The following GRID1 variants were observed in gnomAD, a reference collection of about 807,000 sequenced individuals.
GRID1 encodes glutamate receptor ionotropic, delta-1.
In GRID1, 28 loss-of-function variants were observed where a neutral mutation model predicts 98.0. That is an observed-to-expected ratio of 0.29 (90% CI 0.21 to 0.39). The LOEUF is 0.39. GRID1 is among the 10% of genes least tolerant of loss of function. The pLI, the probability that GRID1 is intolerant of heterozygous loss-of-function variation, is 1.00. For missense variants in GRID1, 1,111 were observed against 1,340.5 expected, an observed-to-expected ratio of 0.83 and a Z score of 2.67; for synonymous variants, 553 against 538.5, an observed-to-expected ratio of 1.03 and a Z score of -0.37.
intron 2 of GRID1, among the ~76,000 whole-genome samples, chr10:86,218,296 CTGTCTG>C (rs1206456366): frequency 2.0e-5 from 3 of 152,174 alleles, no homozygotes. Flanking sequence ...TCCAAAGCTC[CTGTCTG>C]TGCCAAGGCT....
intron 12 of GRID1, among the ~76,000 whole-genome samples, chr10:85,675,652 G>A (rs748723436): frequency 1.3e-5 from 2 of 152,188 alleles, no homozygotes; most frequent in Non-Finnish European, 2.9e-5. Context: ...AACAGAGGGA[G>A]ATCATAAACA....
chr10:86,081,379 G>A (rs902322231), intron 4 of GRID1, among the ~76,000 whole-genome samples: 11 of 152,162 alleles, frequency 7.2e-5, no homozygotes, highest in African/African-American at 2.4e-4. Flanking sequence ...TTATGTAGGT[G>A]ACAGGGAATT....
chr10:86,084,584 C>A (rs752406006), intron 4 of GRID1, among the ~76,000 whole-genome samples: 2 of 152,146 alleles, frequency 1.3e-5, no homozygotes, highest in Non-Finnish European at 2.9e-5. Flanking sequence ...ACTTGCACAC[C>A]TACTTTCACA....
In GRID1 at chr10:86,007,856, G is replaced by A. The variant is rs1233119761; in HGVS notation, c.727-91617C>T. On this transcript the variant is annotated intron_variant, in intron 4 of 15. Transcript: ENST00000327946. ...TTTATTTATTTATTTATTTATTTTT[G>A]GTTAGGGGGAGTTGTCACAAAGAAG... Among the ~76,000 whole-genome samples, 6 of 132,554 alleles carry A rather than the reference G, an allele frequency of 4.5e-5. No individual in the cohort carries two copies. The South Asian group carries it at 1.2e-3, about 27-fold the overall frequency. The allele number at this position is 132,554 out of a possible 152,430, so 87.0% of individuals were successfully genotyped here.
At chr10:85,889,078 A>T (rs1841157994) in intron 5 of GRID1, among the ~76,000 whole-genome samples, 1 of 152,232 alleles carries the variant, frequency 6.6e-6, no homozygotes, top group Non-Finnish European at 1.5e-5. Flanking sequence ...TTGGATTTTA[A>T]AAGCACTGGA....
At chr10:86,040,495 A>T (rs1843330373) in intron 4 of GRID1, among the ~76,000 whole-genome samples, 1 of 144,578 alleles carries the variant, frequency 6.9e-6, no homozygotes, top group Non-Finnish European at 1.5e-5. Flanking sequence ...ATACTACATG[A>T]TCTCACTCAT....
At chr10:85,686,128 G>C (rs922028761) in intron 12 of GRID1, among the ~76,000 whole-genome samples, 37 of 152,108 alleles carry the variant, frequency 2.4e-4, no homozygotes, top group African/African-American at 8.9e-4. Flanking sequence ...AAAGATAAGT[G>C]TGACAAGCAC....
chr10:85,843,873 C>T (rs1397689190), intron 8 of GRID1, among the ~76,000 whole-genome samples: 1 of 140,550 alleles, frequency 7.1e-6, no homozygotes, highest in Non-Finnish European at 1.6e-5. Flanking sequence ...AACAGTTTGG[C>T]TGTAATTTTT....
chr10:85,646,965 A>G (rs1476568005), intron 13 of GRID1: 5 of 550,076 alleles, frequency 9.1e-6, no homozygotes, highest in African/African-American at 1.9e-5. Flanking sequence ...GCCAAAAGTC[A>G]GGCTTAATCT....
At chr10:86,263,395 C>A (rs780595803) in intron 2 of GRID1, among the ~76,000 whole-genome samples, 25 of 152,344 alleles carry the variant, frequency 1.6e-4, no homozygotes, top group Non-Finnish European at 1.5e-4. Flanking sequence ...GATCCCGCCT[C>A]TCCCAGCTCG....
chr10:86,080,430 A>AT (rs1843956371), intron 4 of GRID1, among the ~76,000 whole-genome samples: 1 of 11,488 alleles, frequency 8.7e-5, no homozygotes, highest in African/African-American at 7.5e-4. Context: ...AGGGGAGGGG[A>AT]GGGGAGGGGA....
chr10:85,945,299 A>T (rs956216573), intron 4 of GRID1, among the ~76,000 whole-genome samples: 3 of 152,256 alleles, frequency 2.0e-5, no homozygotes, highest in African/African-American at 7.2e-5. Context: ...AATTAAAAAC[A>T]TATATGCTCC....
intron 2 of GRID1, among the ~76,000 whole-genome samples, chr10:86,275,500 A>G (rs954342911): frequency 6.6e-6 from 1 of 152,148 alleles, no homozygotes; most frequent in African/African-American, 2.4e-5. Context: ...AAAGTGGTAA[A>G]GGAAGACATG....
rs190439943 is a variant in GRID1 at position 86,089,832 on chromosome 10, C to T, written c.726+48987G>A. Among the ~76,000 whole-genome samples, 474 of 152,088 alleles carry T rather than the reference C, an allele frequency of 3.1e-3. 1 individual carries two copies. Among genetic ancestry groups the T allele is most frequent in the Non-Finnish European group, 5.2e-3 (352 of 67,994 alleles). Reference sequence around the variant, plus strand: ...CGTGATCTCGGCTCACTGCAACCTCCACCTCCCAGGTTCAAGTGATTCTCC... The same window carrying T: ...CGTGATCTCGGCTCACTGCAACCTCTACCTCCCAGGTTCAAGTGATTCTCC... On this transcript the variant is annotated intron_variant, in intron 4 of 15. Transcript: ENST00000327946.
At chr10:85,909,269 T>C (rs532959749) in intron 5 of GRID1, among the ~76,000 whole-genome samples, 2 of 152,202 alleles carry the variant, frequency 1.3e-5, no homozygotes, top group African/African-American at 4.8e-5. Flanking sequence ...AGAGTGACTA[T>C]AATCAAAAAC....
intron 13 of GRID1, among the ~76,000 whole-genome samples, chr10:85,629,258 G>GT (rs1842946409): frequency 6.6e-6 from 1 of 152,100 alleles, no homozygotes; most frequent in African/African-American, 2.4e-5. Flanking sequence ...AATTTAAAGG[G>GT]TACAAGTGCA....
intron 12 of GRID1, among the ~76,000 whole-genome samples, chr10:85,660,432 T>C (rs1840952315): frequency 1.3e-5 from 2 of 152,320 alleles, no homozygotes; most frequent in South Asian, 2.1e-4. Flanking sequence ...AGTACACAGA[T>C]GGACACAAAC....
chr10:86,001,557 T>A (rs1015815648), intron 4 of GRID1, among the ~76,000 whole-genome samples: 1 of 152,210 alleles, frequency 6.6e-6, no homozygotes, highest in African/African-American at 2.4e-5. Context: ...CTTTCTTGTT[T>A]GTCAGAGTTT....
intron 4 of GRID1, among the ~76,000 whole-genome samples, chr10:86,132,551 A>C (rs1259100904): frequency 6.6e-6 from 1 of 152,254 alleles, no homozygotes; most frequent in Non-Finnish European, 1.5e-5. Context: ...ATAATTAATT[A>C]GTAATTTAAA....
Sources: allele counts gnomAD v4.1 joint callset (sites outside exome capture counted in the v4.1 genomes callset), GRCh38; gene constraint gnomAD v4.1.1; transcripts MANE v1.5; gene names NCBI Gene and HGNC (gene_info 2026-07-23, HGNC 2026-07-21).